ADAM12: variants seen among roughly 807,000 people sequenced by gnomAD.
ADAM12 encodes ADAM metallopeptidase domain 12.
A neutral mutation model predicts 106.4 loss-of-function variants in ADAM12; 70 were observed. The ratio of observed to expected loss-of-function variants is 0.66; its 90% confidence interval spans 0.54 to 0.80. The LOEUF (loss-of-function observed/expected upper bound fraction) is 0.80. Ranked by LOEUF, ADAM12 falls within the 30% of genes least tolerant of loss-of-function variation. The probability of loss-of-function intolerance (pLI) is 0.00; values close to 1 mark genes in which losing one functional copy is unlikely to be tolerated. For missense variants in ADAM12, 1,010 were observed against 1,171.9 expected (o/e 0.86, Z 2.02); for synonymous variants, 420 against 433.5 (o/e 0.97, Z 0.39).
At chr10:126,280,283 G>C (rs543488867) in intron 2 of ADAM12, among the ~76,000 whole-genome samples, 39 of 152,308 alleles carry the variant, frequency 2.6e-4, no homozygotes, top group African/African-American at 9.1e-4. Context: ...AACTGGGGTA[G>C]AGTCACAAAG....
At chr10:126,318,047 T>C (rs1364560134) in intron 2 of ADAM12, among the ~76,000 whole-genome samples, 6 of 152,178 alleles carry the variant, frequency 3.9e-5, no homozygotes. Flanking sequence ...GACTGCCCAG[T>C]AGCAGTGAGC....
At chr10:126,136,622 A>C (rs952930266) in intron 4 of ADAM12, among the ~76,000 whole-genome samples, 12 of 152,210 alleles carry the variant, frequency 7.9e-5, no homozygotes, top group Non-Finnish European at 1.8e-4. Context: ...CTTGGTGTCC[A>C]GTCATTCTGC....
At chr10:126,386,455 A>C (rs906506167) in intron 1 of ADAM12, among the ~76,000 whole-genome samples, 2 of 152,174 alleles carry the variant, frequency 1.3e-5, no homozygotes, top group Non-Finnish European at 2.9e-5. Context: ...GATACTGAGA[A>C]TCTAAGGGTA....
At position 126,064,760 on chromosome 10, in the gene ADAM12, G is replaced by C. The variant is rs1046397384; in HGVS notation, c.1609+46C>G. Reference sequence around the variant, plus strand: ...ACATGCCCCCAGTCCCACAGCCCAGGTCTGCCAGTGCCTCTCCTGATGCCG... The same window carrying C: ...ACATGCCCCCAGTCCCACAGCCCAGCTCTGCCAGTGCCTCTCCTGATGCCG... On this transcript the variant is annotated intron_variant, in intron 14 of 22. Transcript: ENST00000448723. This position sits in a 1 kb window ranked among gnomAD's most constrained non-coding sequence, Gnocchi z 4.4. 21 of 1,544,598 alleles carry C rather than the reference G, an allele frequency of 1.4e-5. No individual in the cohort carries two copies. Among genetic ancestry groups the C allele is most frequent in the Non-Finnish European group, 1.7e-5 (20 of 1,145,442 alleles).
chr10:126,220,369 T>C (rs1463876540), intron 3 of ADAM12, among the ~76,000 whole-genome samples: 1 of 152,198 alleles, frequency 6.6e-6, no homozygotes, highest in Non-Finnish European at 1.5e-5. Context: ...AGGAACTGGC[T>C]CAAGGCTTAT....
At chr10:126,176,872 G>C (rs942746430) in intron 3 of ADAM12, among the ~76,000 whole-genome samples, 1 of 152,172 alleles carries the variant, frequency 6.6e-6, no homozygotes, top group African/African-American at 2.4e-5. Flanking sequence ...AAGCCTGAGA[G>C]AGAGAAAAAG....
At chr10:126,088,835 T>G (rs1476010704) in intron 11 of ADAM12, among the ~76,000 whole-genome samples, 1 of 152,088 alleles carries the variant, frequency 6.6e-6, no homozygotes, top group African/African-American at 2.4e-5. Flanking sequence ...TGAATGGAAT[T>G]AAATGTAATC....
chr10:126,212,862 G>T (rs1957926271), intron 3 of ADAM12, among the ~76,000 whole-genome samples: 1 of 152,116 alleles, frequency 6.6e-6, no homozygotes, highest in Non-Finnish European at 1.5e-5. Flanking sequence ...CCTGCCTTTT[G>T]TGTATTCTCT....
intron 4 of ADAM12, chr10:126,145,378 T>C (rs1297243859): frequency 6.6e-6 from 1 of 152,504 alleles, no homozygotes; most frequent in Non-Finnish European, 1.5e-5. Flanking sequence ...ATCCACTCCA[T>C]TTATAGACTA....
intron 3 of ADAM12, among the ~76,000 whole-genome samples, chr10:126,231,470 G>A (rs1958309758): frequency 6.6e-6 from 1 of 151,622 alleles, no homozygotes; most frequent in East Asian, 1.9e-4. Flanking sequence ...AAGCAAAACT[G>A]CCACCCTCCC....
chr10:126,209,953 T>A (rs577427944), intron 3 of ADAM12, among the ~76,000 whole-genome samples: 6 of 152,350 alleles, frequency 3.9e-5, no homozygotes, highest in Non-Finnish European at 5.9e-5. Flanking sequence ...TCACTCCTCA[T>A]GTGTAACTTA....
In ADAM12 at chr10:126,155,109, T is replaced by TG. The variant is rs377675618; in HGVS notation, c.339+117dup. 246 of 1,121,530 alleles carry TG rather than the reference T, an allele frequency of 2.2e-4. No homozygotes were observed. In the African/African-American group the frequency reaches 3.0e-3, roughly 13 times the overall value. The allele number at this position is 1,121,530 out of a possible 1,614,324, so 69.5% of individuals were successfully genotyped here. A position where few individuals can be genotyped will look rare whatever the true frequency, so the allele number is the denominator to read the frequency against. ...CACTAAGGGACACACCAGCGCTTCTTGGGGGGGCCTAAGTTAAGAATCTGG... is the reference window on the plus strand; with the variant it reads ...CACTAAGGGACACACCAGCGCTTCTTGGGGGGGGCCTAAGTTAAGAATCTGG... On this transcript the variant is annotated intron_variant, in intron 4 of 22. Coordinates refer to ENST00000448723, the MANE Select transcript of ADAM12 (RefSeq NM_001288973.2).
At chr10:126,349,436 A>G (rs1429674128) in intron 1 of ADAM12, among the ~76,000 whole-genome samples, 1 of 152,246 alleles carries the variant, frequency 6.6e-6, no homozygotes, top group African/African-American at 2.4e-5. Flanking sequence ...CAGTTCTCAA[A>G]TAATATCCTG....
rs1564990415 is a variant in ADAM12 at position 126,019,761 on chromosome 10, CGAGTTGTTCTGGCCA to C, written c.2579_2593del (p.Leu860_Thr864del). On this transcript the variant is annotated inframe_deletion, in exon 22 of 23. Transcript: ENST00000448723. The stretch of plus-strand genomic sequence containing the variant: ...GGTCCTGGCCAAGGCATGAGTGAGC[CGAGTTGTTCTGGCCA>C]GAGGATCTGCAGGCAGAGGCTTCTG... 1 of 1,613,946 alleles carries C rather than the reference CGAGTTGTTCTGGCCA, an allele frequency of 6.2e-7. No individual in the cohort carries two copies. Among genetic ancestry groups the C allele is most frequent in the Non-Finnish European group, 8.5e-7 (1 of 1,179,986 alleles).
chr10:126,330,433 T>C lies in ADAM12; in HGVS notation c.165A>G (p.Pro55=), dbSNP rs1247964875. The change falls in exon 2 of 23, where the codon CCA becomes CCG. Residue 55 remains proline (P), a synonymous_variant. Transcript: ENST00000448723. Reference sequence around the variant, plus strand: ...TCACCTTGGAGTCGAAGCTCTTCACTGGGATCCAGAGGTCCCCACTCCCAA... The same window carrying C: ...TCACCTTGGAGTCGAAGCTCTTCACCGGGATCCAGAGGTCCCCACTCCCAA... The part of the protein sequence containing the change: ...ASVGSGDLWI[P]VKSFDSKNHP... The C allele has an allele frequency of 2.5e-6, 4 of 1,613,420 alleles. No homozygotes were observed. Among genetic ancestry groups the C allele is most frequent in the Non-Finnish European group, 3.4e-6 (4 of 1,179,872 alleles).
chr10:126,254,661 G>A (rs1958854468), intron 3 of ADAM12, among the ~76,000 whole-genome samples: 1 of 152,032 alleles, frequency 6.6e-6, no homozygotes, highest in Non-Finnish European at 1.5e-5. Context: ...CTAGGATCCA[G>A]AGCATCCATG....
intron 5 of ADAM12, among the ~76,000 whole-genome samples, chr10:126,121,439 C>CAT (rs1428443300): frequency 2.4e-5 from 3 of 122,528 alleles, no homozygotes; most frequent in Non-Finnish European, 4.9e-5. Flanking sequence ...TTATATATTG[C>CAT]ATATTATATA....
intron 1 of ADAM12, among the ~76,000 whole-genome samples, chr10:126,352,085 G>C (rs1251319502): frequency 6.6e-6 from 1 of 152,130 alleles, no homozygotes; most frequent in Non-Finnish European, 1.5e-5. Flanking sequence ...AGGTGTCCTC[G>C]GCGGTGCTGA....
chr10:126,077,677 G>A (rs935979934), intron 11 of ADAM12, among the ~76,000 whole-genome samples: 2 of 152,068 alleles, frequency 1.3e-5, no homozygotes, highest in African/African-American at 4.8e-5. Flanking sequence ...AATGCTGCTG[G>A]GATAACTGGC....
Sources: gnomAD v4.1 joint callset for allele counts (sites outside exome capture counted in the v4.1 genomes callset) on GRCh38, gnomAD v4.1.1 for gene constraint, Gnocchi (gnomAD v3.1) non-coding constraint, MANE v1.5 for transcripts, NCBI Gene and HGNC (gene_info 2026-07-23, HGNC 2026-07-21) for gene names.